The following FANCB variants were observed in gnomAD, a reference collection of about 807,000 sequenced individuals.
FANCB encodes the protein FA complementation group B.
A neutral mutation model predicts 38.9 loss-of-function variants in FANCB; 5 were observed. The ratio of observed to expected loss-of-function variants is 0.13; its 90% CI spans 0.07 to 0.27. The LOEUF is 0.27. Among genes scored for constraint, FANCB ranks in the 10% least tolerant of loss-of-function variants. The pLI is 1.00. For missense variants in FANCB, 573 were observed against 602.7 expected (o/e 0.95, Z 0.52); for synonymous variants, 236 against 215.4 (o/e 1.10, Z -0.84).
At chrX:14,832,034 C>T (rs1459512071), downstream of FANCB, among the ~76,000 whole-genome samples, 3 of 111,952 alleles carry the variant, frequency 2.7e-5, no homozygotes, top group East Asian at 8.4e-4. Context: ...GACCTACCCT[C>T]CTTCTTCCAA....
chrX:14,845,396 T>G, intron 7 of FANCB, 110 bp from the exon 8 acceptor site: 1 of 596,859 alleles, frequency 1.7e-6, no homozygotes. Flanking sequence ...TTTCCTTTCC[T>G]AGAAAACATC....
chrX:14,799,998 G>T, the FANCB span, among the ~76,000 whole-genome samples: 1 of 111,768 alleles, frequency 8.9e-6, no homozygotes, highest in Non-Finnish European at 1.9e-5. Flanking sequence ...ATTGAGGAGA[G>T]AATTGTTATG....
the FANCB span, among the ~76,000 whole-genome samples, chrX:14,808,655 T>C: frequency 8.9e-6 from 1 of 112,268 alleles, no homozygotes; most frequent in Non-Finnish European, 1.9e-5. Flanking sequence ...ATGTGTAACA[T>C]GACAAGGATG....
At chrX:14,814,097 G>C in the FANCB span, among the ~76,000 whole-genome samples, 1 of 111,768 alleles carries the variant, frequency 8.9e-6, no homozygotes, top group Non-Finnish European at 1.9e-5. Flanking sequence ...TTTAATAAAT[G>C]GTGCTGGGAA....
the FANCB span, among the ~76,000 whole-genome samples, chrX:14,715,579 G>C: frequency 9.0e-6 from 1 of 111,664 alleles, no homozygotes; most frequent in Admixed American, 9.6e-5. Context: ...TGTACTACAG[G>C]AGGTAAGGAG....
At chrX:14,815,546 G>A in the FANCB span, among the ~76,000 whole-genome samples, 2 of 112,387 alleles carry the variant, frequency 1.8e-5, no homozygotes, top group African/African-American at 6.5e-5. Flanking sequence ...GAAGAAAAGG[G>A]AACACTTATA....
At chrX:14,765,013 G>A in the FANCB span, among the ~76,000 whole-genome samples, 3 of 112,286 alleles carry the variant, frequency 2.7e-5, no homozygotes, top group East Asian at 5.6e-4. Context: ...GATAAACAAT[G>A]AGTAATCGTT....
chrX:14,850,119 G>A (rs781384176), intron 7 of FANCB, among the ~76,000 whole-genome samples: 6 of 112,262 alleles, frequency 5.3e-5, no homozygotes, highest in Admixed American at 4.7e-4. Flanking sequence ...GGAGGCCAAG[G>A]TGGGTGGATC....
At chrX:14,696,924 G>T in the FANCB span, among the ~76,000 whole-genome samples, 7 of 111,828 alleles carry the variant, frequency 6.3e-5, no homozygotes, top group East Asian at 1.4e-3. Context: ...TTAAGTCTTG[G>T]GGGGAGTTGA....
At chrX:14,755,739 T>C in the FANCB span, among the ~76,000 whole-genome samples, 1 of 111,374 alleles carries the variant, frequency 9.0e-6, no homozygotes. Context: ...TAGTGATCTA[T>C]GGATTCAATG....
At chrX:14,702,005 C>G in the FANCB span, among the ~76,000 whole-genome samples, 2 of 112,226 alleles carry the variant, frequency 1.8e-5, no homozygotes, top group Admixed American at 1.9e-4. Flanking sequence ...GCATCTTCTC[C>G]ACTTGGTAGT....
downstream of FANCB, among the ~76,000 whole-genome samples, chrX:14,831,346 T>C (rs937337025): frequency 5.3e-5 from 6 of 112,372 alleles, no homozygotes; most frequent in South Asian, 2.2e-3. Flanking sequence ...TGATTTCAAA[T>C]TGGTGTTAAC....
chrX:14,870,293 T>C (rs1337095154), intron 1 of FANCB, among the ~76,000 whole-genome samples: 4 of 111,321 alleles, frequency 3.6e-5, no homozygotes, highest in Non-Finnish European at 7.5e-5. Context: ...AGGTTCTTAG[T>C]CCAATTATAA....
At chrX:14,757,880 C>G in the FANCB span, among the ~76,000 whole-genome samples, 1 of 111,589 alleles carries the variant, frequency 9.0e-6, no homozygotes, top group Admixed American at 9.5e-5. Flanking sequence ...ACAGAAGCCA[C>G]GGCAGGCAGG....
chrX:14,811,263 A>C, the FANCB span, among the ~76,000 whole-genome samples: 1 of 111,199 alleles, frequency 9.0e-6, no homozygotes, highest in Non-Finnish European at 1.9e-5. Context: ...ATCAACTAAC[A>C]AGCAAAATAA....
the FANCB span, among the ~76,000 whole-genome samples, chrX:14,825,746 A>G: frequency 8.9e-6 from 1 of 112,227 alleles, no homozygotes; most frequent in Non-Finnish European, 1.9e-5. Flanking sequence ...TGTATATAGA[A>G]GAACCATAGA....
At chrX:14,716,448 A>T in the FANCB span, among the ~76,000 whole-genome samples, 1 of 111,806 alleles carries the variant, frequency 8.9e-6, no homozygotes, top group East Asian at 2.8e-4. Flanking sequence ...AGAGGATGGA[A>T]GTCCTTTGAG....
chrX:14,852,062 T>C (rs2092403650), intron 6 of FANCB, among the ~76,000 whole-genome samples: 2 of 112,083 alleles, frequency 1.8e-5, no homozygotes, highest in Admixed American at 9.5e-5. Flanking sequence ...TTTCTCTGTA[T>C]GAAATTAATG....
downstream of FANCB, among the ~76,000 whole-genome samples, chrX:14,831,857 T>G (rs1221828098): frequency 1.8e-5 from 2 of 110,873 alleles, no homozygotes; most frequent in Non-Finnish European, 3.8e-5. Flanking sequence ...GCTGCTGAAA[T>G]AGTCCAGGTT....
Sources: gnomAD v4.1 joint callset for allele counts (sites outside exome capture counted in the v4.1 genomes callset) on GRCh38, gnomAD v4.1.1 for gene constraint, MANE v1.5 for transcripts, NCBI Gene and HGNC (gene_info 2026-07-23, HGNC 2026-07-21) for gene names.